PANX1: variants seen among roughly 807,000 people sequenced by gnomAD.
PANX1 encodes pannexin-1.
A neutral mutation model predicts 38.7 loss-of-function variants in PANX1; 30 were observed. That is an observed-to-expected ratio of 0.78 (90% CI 0.58 to 1.05). PANX1 has a LOEUF of 1.05. PANX1 is among the 50% of genes least tolerant of loss of function. The pLI, the probability that PANX1 is intolerant of heterozygous loss-of-function variation, is 0.00. For synonymous variants in PANX1, 230 were observed against 212.2 expected, an observed-to-expected ratio of 1.08 and a Z score of -0.73; for missense variants, 551 against 517.2, an observed-to-expected ratio of 1.07 and a Z score of -0.63.
At chr11:94,166,025 C>G (rs12282016) in intron 2 of PANX1, among the ~76,000 whole-genome samples, 1 of 151,746 alleles carries the variant, frequency 6.6e-6, no homozygotes, top group Non-Finnish European at 1.5e-5. Flanking sequence ...AAAAACAAGC[C>G]AAAAGAAAAC....
In PANX1 at chr11:94,181,010, A is replaced by G. The variant is rs995257250; in HGVS notation, c.*141A>G. On this transcript the variant is annotated 3_prime_UTR_variant, in exon 5 of 5. Coordinates refer to ENST00000227638, the MANE Select transcript of PANX1 (RefSeq NM_015368.4). The stretch of plus-strand genomic sequence containing the variant: ...ACTGAGCATGTCTTATTGAGTCCCT[A>G]ATGGAAATGGTGATCAACAAAAGGT... 3.2e-6 allele frequency: 2 copies of G among 619,544 alleles called. No homozygotes were observed. Among genetic ancestry groups the G allele is most frequent in the South Asian group, 1.9e-5 (1 of 52,144 alleles). 38.4% of individuals were successfully genotyped at this position (619,544 alleles called of 1,614,324 possible).
intron 2 of PANX1, among the ~76,000 whole-genome samples, chr11:94,155,890 G>A (rs1946944101): frequency 6.6e-6 from 1 of 152,160 alleles, no homozygotes; most frequent in Non-Finnish European, 1.5e-5. Context: ...AGTAGCCAAG[G>A]CAACAAATAA....
In PANX1 at chr11:94,129,317, C is replaced by G. The variant is rs779284114; in HGVS notation, c.5C>G (p.Ala2Gly). Residue 2 changes from alanine (A) to glycine (G), a missense_variant, in exon 1 of 5, where the codon GCC becomes GGC. By Grantham distance (60) the Ala-to-Gly change is moderately conservative. Coordinates refer to ENST00000227638, the MANE Select transcript of PANX1 (RefSeq NM_015368.4). M[A>G]IAQLATEYVF... ...CGAGCCTGGCGCGCCGCAGCCATGG[C>G]CATCGCTCAACTGGCCACGGAGTAC... 1.9e-6 allele frequency: 3 copies of G among 1,606,522 alleles called. No individual in the cohort carries two copies. Among genetic ancestry groups the G allele is most frequent in the African/African-American group, 2.7e-5 (2 of 74,800 alleles).
intron 2 of PANX1, among the ~76,000 whole-genome samples, chr11:94,156,021 T>C (rs1946945120): frequency 6.6e-6 from 1 of 152,002 alleles, no homozygotes; most frequent in Non-Finnish European, 1.5e-5. Flanking sequence ...ATAGAGAGTT[T>C]TAATGAGTCA....
chr11:94,178,352 G>A lies in PANX1; in HGVS notation c.322-17G>A. 1.3e-6 allele frequency: 2 copies of A among 1,598,868 alleles called. No individual in the cohort carries two copies. Among genetic ancestry groups the A allele is most frequent in the East Asian group, 2.2e-5 (1 of 44,812 alleles). On this transcript the variant is annotated splice_polypyrimidine_tract_variant and intron_variant, in intron 2 of 4. Transcript: ENST00000227638. Reference sequence around the variant, plus strand: ...GGGGGGTTTGTTAAGCCCATGATTTGTTCTCTTGTTTTTCAGTTTTTCCCC... The same window carrying A: ...GGGGGGTTTGTTAAGCCCATGATTTATTCTCTTGTTTTTCAGTTTTTCCCC...
chr11:94,157,809 C>G (rs1337323506), intron 2 of PANX1, among the ~76,000 whole-genome samples: 2 of 152,070 alleles, frequency 1.3e-5, no homozygotes, highest in Non-Finnish European at 2.9e-5. Context: ...GACATGAAGT[C>G]CTTGCCCATG....
intron 2 of PANX1, among the ~76,000 whole-genome samples, chr11:94,156,293 A>G (rs968748859): frequency 6.6e-6 from 1 of 152,216 alleles, no homozygotes; most frequent in African/African-American, 2.4e-5. Flanking sequence ...TAGGTAGCCA[A>G]ACCTTAAGTT....
intron 1 of PANX1, among the ~76,000 whole-genome samples, chr11:94,130,764 C>T (rs139770596): frequency 2.0e-5 from 3 of 152,150 alleles, no homozygotes; most frequent in East Asian, 3.9e-4. Flanking sequence ...ACTGGTCAAA[C>T]GTGCTGCGGA....
At chr11:94,149,017 C>T (rs1041455378) in intron 1 of PANX1, among the ~76,000 whole-genome samples, 9 of 152,172 alleles carry the variant, frequency 5.9e-5, no homozygotes, top group African/African-American at 2.2e-4. Context: ...TCACACCTCA[C>T]TTTCCTCACC....
At chr11:94,169,207 C>T (rs530777621) in intron 2 of PANX1, among the ~76,000 whole-genome samples, 1 of 151,414 alleles carries the variant, frequency 6.6e-6, no homozygotes, top group East Asian at 1.9e-4. Flanking sequence ...TAGACAGGGG[C>T]AAGGTCTGAG....
intron 1 of PANX1, among the ~76,000 whole-genome samples, chr11:94,136,277 A>G (rs1265855974): frequency 6.6e-6 from 1 of 152,126 alleles, no homozygotes; most frequent in Non-Finnish European, 1.5e-5. Context: ...TGGAAGAAGC[A>G]TTTTGATGTG....
At chr11:94,164,888 C>T (rs1245681438) in intron 2 of PANX1, among the ~76,000 whole-genome samples, 3 of 152,160 alleles carry the variant, frequency 2.0e-5, no homozygotes, top group Admixed American at 6.5e-5. Context: ...ACAATTGTTA[C>T]ACCCTCTTAG....
intron 4 of PANX1, 87 bp downstream of exon 4, chr11:94,180,344 C>A: frequency 8.7e-7 from 1 of 1,150,914 alleles, no homozygotes; most frequent in Non-Finnish European, 1.2e-6. Flanking sequence ...CTTTACCCTG[C>A]CCATCATTTA....
At chr11:94,156,185 T>G (rs890372386) in intron 2 of PANX1, among the ~76,000 whole-genome samples, 1 of 152,144 alleles carries the variant, frequency 6.6e-6, no homozygotes, top group African/African-American at 2.4e-5. Flanking sequence ...AGCCTAAAGG[T>G]TATAGGACCA....
At chr11:94,169,640 G>A (rs1947141156) in intron 2 of PANX1, among the ~76,000 whole-genome samples, 2 of 151,754 alleles carry the variant, frequency 1.3e-5, no homozygotes, top group Non-Finnish European at 2.9e-5. Flanking sequence ...ATGCTCAGAG[G>A]GAAGACAACA....
Position 94,129,276 on chromosome 11 carries a change from A to T in PANX1, c.-37A>T, listed in dbSNP as rs1333564655. On this transcript the variant is annotated 5_prime_UTR_variant, in exon 1 of 5. Coordinates refer to ENST00000227638, the MANE Select transcript of PANX1 (RefSeq NM_015368.4). ...GCGCAGCTTTCCCGACGCCGGCTGT[A>T]CCCGGACCTCCTGGTCGAGCCTGGC... The T allele has an allele frequency of 3.2e-6, 5 of 1,573,550 alleles. No individual in the cohort carries two copies. Among genetic ancestry groups the T allele is most frequent in the Non-Finnish European group, 4.3e-6 (5 of 1,151,990 alleles).
At chr11:94,146,851 G>A (rs189735663) in intron 1 of PANX1, among the ~76,000 whole-genome samples, 2 of 152,274 alleles carry the variant, frequency 1.3e-5, no homozygotes, top group African/African-American at 2.4e-5. Context: ...ATAAAGGCTC[G>A]TTTGGGAGAT....
At chr11:94,154,372 G>A (rs1204948641) in intron 2 of PANX1, among the ~76,000 whole-genome samples, 1 of 152,214 alleles carries the variant, frequency 6.6e-6, no homozygotes, top group South Asian at 2.1e-4. Context: ...TGTTCTCTGA[G>A]TTATGAAGTG....
chr11:94,156,594 CAG>C (rs72490533), intron 2 of PANX1, among the ~76,000 whole-genome samples: 8,407 of 152,086 alleles, frequency 0.055, 790 homozygotes, highest in African/African-American at 0.19. Context: ...AGTTGAATGA[CAG>C]AGATCGGGGA....
Sources: gnomAD v4.1 joint callset for allele counts (sites outside exome capture counted in the v4.1 genomes callset) on GRCh38, gnomAD v4.1.1 for gene constraint, MANE v1.5 for transcripts, NCBI Gene and HGNC (gene_info 2026-07-23, HGNC 2026-07-21) for gene names.